Variants in PPIL2 observed in about 807,000 individuals in gnomAD.
PPIL2 encodes the protein RING-type E3 ubiquitin-protein ligase PPIL2.
PPIL2 carries 50 observed loss-of-function variants against 75.2 expected under a neutral mutation model. That is an observed-to-expected ratio of 0.66 (90% CI 0.53 to 0.84). The LOEUF (loss-of-function observed/expected upper bound fraction) is 0.84. Among genes scored for constraint, PPIL2 ranks in the 40% least tolerant of loss-of-function variants. The probability of loss-of-function intolerance (pLI) is 0.00; values close to 1 mark genes in which losing one functional copy is unlikely to be tolerated. For synonymous variants in PPIL2, 245 were observed against 258.8 expected, an observed-to-expected ratio of 0.95 and a Z score of 0.51; for missense variants, 590 against 685.0, an observed-to-expected ratio of 0.86 and a Z score of 1.55.
At position 21,683,209 on chromosome 22, in the gene PPIL2, GTC is replaced by G; in HGVS notation, c.509_510del (p.Ser170Ter). On this transcript the variant is annotated frameshift_variant, in exon 9 of 20. Transcript: ENST00000398831. LOFTEE classifies it high-confidence loss of function. ...QDPTNLDKFN[V>X]SNFYHVKNNM... ...CCCCACCAATTTGGACAAGTTCAAT[GTC>G]TCTAACTTCTATCATGTGAAGAATA... 6.2e-7 allele frequency: 1 copy of G among 1,613,788 alleles called. No homozygotes were observed. The highest frequency in any genetic ancestry group is 8.5e-7 in the Non-Finnish European group (1 of 1,179,672).
intron 18 of PPIL2, 52 bp downstream of exon 18, chr22:21,694,869 C>A: frequency 6.3e-7 from 1 of 1,590,158 alleles, no homozygotes; most frequent in Non-Finnish European, 8.6e-7. Context: ...GTGCACTTTT[C>A]CACCCCAAGC....
chr22:21,668,085 C>G (rs757005086), intron 1 of PPIL2, among the ~76,000 whole-genome samples: 16 of 151,870 alleles, frequency 1.1e-4, no homozygotes, highest in Non-Finnish European at 2.1e-4. Flanking sequence ...CCAGACATCT[C>G]GAATTTAATA....
chr22:21,670,199 A>G (rs909536470), intron 2 of PPIL2: 2 of 1,045,160 alleles, frequency 1.9e-6, no homozygotes, highest in South Asian at 1.8e-5. Context: ...GGAGCTAAGT[A>G]AAAAATAAAT....
intron 19 of PPIL2, 101 bp from the exon 20 acceptor site, chr22:21,695,293 G>T: frequency 7.2e-7 from 1 of 1,385,222 alleles, no homozygotes; most frequent in Non-Finnish European, 9.9e-7. Context: ...GCAGCAGGTG[G>T]GAGGGGTTGG....
intron 1 of PPIL2, among the ~76,000 whole-genome samples, chr22:21,669,692 G>C (rs2066551267): frequency 1.3e-5 from 2 of 152,090 alleles, no homozygotes. Flanking sequence ...TAGAGACGTG[G>C]TTTCACCATG....
chr22:21,690,671 T>A (rs748191442), intron 15 of PPIL2, among the ~76,000 whole-genome samples: 7 of 152,214 alleles, frequency 4.6e-5, no homozygotes, highest in Non-Finnish European at 2.9e-5. Context: ...TTCATGGTGC[T>A]TTTCCTCCTT....
chr22:21,682,491 G>A lies in PPIL2; in HGVS notation c.442G>A (p.Glu148Lys), dbSNP rs201854982. The A allele has an allele frequency of 2.3e-5, 37 of 1,601,180 alleles. No individual in the cohort carries two copies. The East Asian group carries it at 4.1e-4, about 18-fold the overall frequency. The change falls in exon 8 of 20, where the codon GAG (glutamate) becomes AAG (lysine). Residue 148 changes from glutamate (E) to lysine (K), a missense_variant. By Grantham distance (56) the Glu-to-Lys change is moderately conservative (BLOSUM62 1). Coordinates refer to ENST00000398831, the MANE Select transcript of PPIL2 (RefSeq NM_014337.4). ...GAACTTCCGGGACCTGCTGACCGAC[G>A]AGCCCTTCTCCCGGCAGGACATCAT... ...AKNFRDLLTD[E>K]PFSRQDIITL...
chr22:21,683,485 C>T (rs1157710479), intron 9 of PPIL2, among the ~76,000 whole-genome samples: 1 of 152,242 alleles, frequency 6.6e-6, no homozygotes, highest in African/African-American at 2.4e-5. Flanking sequence ...TTCCCCTGCT[C>T]CCTGCAGACT....
At chr22:21,667,764 AATTTTTTT>A (rs2066451670) in intron 1 of PPIL2, among the ~76,000 whole-genome samples, 1 of 120,870 alleles carries the variant, frequency 8.3e-6, no homozygotes, top group Non-Finnish European at 1.6e-5. Flanking sequence ...AGACATCTCA[AATTTTTTT>A]TTTTTTTTTT....
intron 15 of PPIL2, among the ~76,000 whole-genome samples, chr22:21,689,139 G>A (rs2067510886): frequency 6.6e-6 from 1 of 152,216 alleles, no homozygotes; most frequent in Non-Finnish European, 1.5e-5. Flanking sequence ...GGTGCCTGTG[G>A]CCAGGCAGTG....
chr22:21,688,349 G>T (rs1369201562), intron 14 of PPIL2, among the ~76,000 whole-genome samples: 1 of 152,196 alleles, frequency 6.6e-6, no homozygotes, highest in African/African-American at 2.4e-5. Context: ...GGGCCCCTGG[G>T]GTCTGCCTCA....
intron 7 of PPIL2, 92 bp from the exon 8 acceptor site, chr22:21,682,345 A>G: frequency 1.8e-6 from 2 of 1,096,778 alleles, no homozygotes; most frequent in Non-Finnish European, 2.8e-6. Flanking sequence ...AAATCGTGCC[A>G]TGGTCGGGGC....
intron 6 of PPIL2, among the ~76,000 whole-genome samples, chr22:21,680,656 C>T (rs1454936726): frequency 1.3e-5 from 2 of 151,612 alleles, no homozygotes; most frequent in East Asian, 1.9e-4. Context: ...GGTGAAACCC[C>T]ATCTCTACTA....
chr22:21,683,162 G>T lies in PPIL2; in HGVS notation c.478-20G>T. On this transcript the variant is annotated intron_variant, in intron 8 of 19. Coordinates refer to ENST00000398831, the MANE Select transcript of PPIL2 (RefSeq NM_014337.4). ...CCGTAGGCTGGGTTCACTCTGCTGG[G>T]CATTCTCTTTTTGCCACAGGACCCC... The T allele has an allele frequency of 1.3e-6, 2 of 1,599,934 alleles. No homozygotes were observed. The highest frequency in any genetic ancestry group is 1.1e-5 in the South Asian group (1 of 90,804).
At chr22:21,692,386 C>A (rs1039345974) in intron 15 of PPIL2, among the ~76,000 whole-genome samples, 3 of 151,402 alleles carry the variant, frequency 2.0e-5, no homozygotes, top group Admixed American at 6.6e-5. Context: ...GATCTCCTGA[C>A]CTTGTGATCC....
At chr22:21,690,237 A>G (rs2067562272) in intron 15 of PPIL2, among the ~76,000 whole-genome samples, 1 of 152,044 alleles carries the variant, frequency 6.6e-6, no homozygotes, top group Admixed American at 6.6e-5. Flanking sequence ...AAAAAAAATT[A>G]GCGGGGCATG....
rs1413831849 is a variant in PPIL2 at position 21,688,053 on chromosome 22, A to G, written c.988-20A>G. 6.8e-6 allele frequency: 11 copies of G among 1,614,182 alleles called. No individual in the cohort carries two copies. Among genetic ancestry groups the G allele is most frequent in the Non-Finnish European group, 9.3e-6 (11 of 1,180,022 alleles). Reference sequence around the variant, plus strand: ...TCGGGTCTCAGAGTGTGACTTGCTCACTGGCTTTTGTTTTCACAGATCCAA... The same window carrying G: ...TCGGGTCTCAGAGTGTGACTTGCTCGCTGGCTTTTGTTTTCACAGATCCAA... On this transcript the variant is annotated intron_variant, in intron 13 of 19. Transcript: ENST00000398831.
In PPIL2 at chr22:21,672,485, CG is replaced by C. The variant is rs2148506165; in HGVS notation, c.243+105del. 4.2e-6 allele frequency: 5 copies of C among 1,177,604 alleles called. No homozygotes were observed. The South Asian group carries it at 6.2e-5, about 15-fold the overall frequency. The allele number at this position is 1,177,604 out of a possible 1,614,324, so 72.9% of individuals were successfully genotyped here. On this transcript the variant is annotated intron_variant, in intron 5 of 19. Coordinates refer to ENST00000398831, the MANE Select transcript of PPIL2 (RefSeq NM_014337.4). ...TGAACACAGGAACATGGGAGAGAACCGTTCATGGGGCCCAGTGAGGAGGGAC... is the reference window on the plus strand; with the variant it reads ...TGAACACAGGAACATGGGAGAGAACCTTCATGGGGCCCAGTGAGGAGGGAC...
chr22:21,684,617 A>G (rs758853378), intron 9 of PPIL2, 136 bp from the exon 10 acceptor site: 11 of 1,113,948 alleles, frequency 9.9e-6, no homozygotes, highest in Non-Finnish European at 1.4e-5. Context: ...GCACTGTGGC[A>G]TTCTGTGGCT....
Sources: gnomAD v4.1 joint callset for allele counts (sites outside exome capture counted in the v4.1 genomes callset) on GRCh38, gnomAD v4.1.1 for gene constraint, MANE v1.5 for transcripts, NCBI Gene and HGNC (gene_info 2026-07-23, HGNC 2026-07-21) for gene names.